The following KCNH8 variants were observed in gnomAD, a reference collection of about 807,000 sequenced individuals.
KCNH8 encodes the protein potassium voltage-gated channel subfamily H member 8, also known as voltage-gated delayed rectifier potassium channel KCNH8.
Under a neutral mutation model 103.6 loss-of-function variants are expected in KCNH8, and 70 were observed. The ratio of observed to expected loss-of-function variants is 0.68; its 90% CI spans 0.56 to 0.82. The LOEUF (loss-of-function observed/expected upper bound fraction) is 0.82, where lower values mean the gene tolerates loss of function less well. Among genes scored for constraint, KCNH8 ranks in the 40% least tolerant of loss-of-function variants. The probability of loss-of-function intolerance (pLI) is 0.00; values close to 1 mark genes in which losing one functional copy is unlikely to be tolerated. For synonymous variants in KCNH8, 498 were observed against 489.4 expected (o/e 1.02, Z -0.23); for missense variants, 1,217 against 1,329.9 (o/e 0.92, Z 1.32).
chr3:19,318,575 C>G (rs1361744286), intron 3 of KCNH8, among the ~76,000 whole-genome samples: 2 of 151,236 alleles, frequency 1.3e-5, no homozygotes, highest in Non-Finnish European at 3.0e-5. Context: ...GTCTCCAATT[C>G]CATCCAGGTT....
Position 19,533,531 on chromosome 3 carries a change from G to A in KCNH8, c.2756G>A (p.Arg919Lys), listed in dbSNP as rs1483653546. The A allele has an allele frequency of 6.2e-7, 1 of 1,614,194 alleles. No homozygotes were observed. Among genetic ancestry groups the A allele is most frequent in the Non-Finnish European group, 8.5e-7 (1 of 1,180,040 alleles). The change falls in exon 16 of 16, where the codon AGG becomes AAG. Residue 919 changes from arginine to lysine, a missense_variant. Arg to Lys is a conservative substitution (Grantham distance 26). Around this residue, in one of 3 missense-constraint regions of KCNH8, gnomAD observed 558 missense variants for 495.8 expected, o/e 1.13. Transcript: ENST00000328405. ...CACAGCACCTCTGTGTGTCCCTCCA[G>A]GGAGAGCTTACAGACCAGAACGAGC... ...SLHSTSVCPS[R>K]ESLQTRTSWS...
At chr3:19,385,893 C>T (rs2066349805) in intron 5 of KCNH8, among the ~76,000 whole-genome samples, 1 of 152,116 alleles carries the variant, frequency 6.6e-6, no homozygotes, top group Admixed American at 6.5e-5. Flanking sequence ...AAAGAAATGG[C>T]TAAATGAAGA....
intron 3 of KCNH8, among the ~76,000 whole-genome samples, chr3:19,289,043 G>T (rs970812865): frequency 5.9e-5 from 9 of 152,058 alleles, no homozygotes; most frequent in Non-Finnish European, 1.0e-4. Flanking sequence ...GAGAAGTGTG[G>T]GTTCATATCC....
chr3:19,261,268 C>T (rs2064431991), intron 2 of KCNH8, among the ~76,000 whole-genome samples: 1 of 151,582 alleles, frequency 6.6e-6, no homozygotes, highest in South Asian at 2.1e-4. Context: ...CTTGTTATCT[C>T]ATGTCTTTTT....
intron 11 of KCNH8, among the ~76,000 whole-genome samples, chr3:19,483,895 G>T (rs574140543): frequency 4.3e-4 from 66 of 152,078 alleles, no homozygotes; most frequent in Non-Finnish European, 7.9e-4. Flanking sequence ...AGGTGGACTG[G>T]ATCATTTTTA....
chr3:19,511,730 TG>T (rs1433107397), intron 12 of KCNH8, among the ~76,000 whole-genome samples: 1 of 152,086 alleles, frequency 6.6e-6, no homozygotes, highest in African/African-American at 2.4e-5. Context: ...CATACGTATT[TG>T]GAAAGATGAG....
At chr3:19,329,326 T>A (rs2065472528) in intron 3 of KCNH8, among the ~76,000 whole-genome samples, 1 of 152,190 alleles carries the variant, frequency 6.6e-6, no homozygotes, top group Non-Finnish European at 1.5e-5. Context: ...GATATTACTA[T>A]AACTTTATCT....
chr3:19,507,813 G>A (rs539335843), intron 11 of KCNH8, among the ~76,000 whole-genome samples: 2 of 152,282 alleles, frequency 1.3e-5, no homozygotes, highest in East Asian at 3.9e-4. Flanking sequence ...AAGGCAACAG[G>A]GAGGGGCAAG....
intron 1 of KCNH8, among the ~76,000 whole-genome samples, chr3:19,250,996 G>C (rs1195185159): frequency 1.3e-5 from 2 of 152,108 alleles, no homozygotes; most frequent in African/African-American, 4.8e-5. Flanking sequence ...TTTAGGATGT[G>C]TAGTACTTTG....
intron 11 of KCNH8, among the ~76,000 whole-genome samples, chr3:19,477,404 G>A (rs893756898): frequency 2.0e-5 from 3 of 150,912 alleles, no homozygotes; most frequent in Non-Finnish European, 4.4e-5. Flanking sequence ...AACAATGAAT[G>A]TGAGGATTTT....
At chr3:19,179,553 G>T (rs1360017809) in intron 1 of KCNH8, among the ~76,000 whole-genome samples, 1 of 152,102 alleles carries the variant, frequency 6.6e-6, no homozygotes, top group Non-Finnish European at 1.5e-5. Context: ...AACAAATTTT[G>T]TGAGAAAGAG....
At chr3:19,515,248 C>A (rs1052411678) in intron 13 of KCNH8, 74 bp from the exon 14 acceptor site, 49 of 800,540 alleles carry the variant, frequency 6.1e-5, no homozygotes, top group Middle Eastern at 4.8e-4. Context: ...AACATAATAT[C>A]TTTTAACTCT....
rs187027746 is a variant in KCNH8, at chr3:19,195,396, G to T, written c.76+46601G>T. The stretch of plus-strand genomic sequence containing the variant: ...GGTATCATAGGCTTTTCATTTTCTC[G>T]ATTCCCATACCCCTTTTTTCCCTCA... On this transcript the variant is annotated intron_variant, in intron 1 of 15. Transcript: ENST00000328405. Among the ~76,000 whole-genome samples the T allele has an allele frequency of 4.5e-3, 685 of 151,870 alleles. 5 individuals are homozygous for T. The highest frequency in any genetic ancestry group is 0.015 in the African/African-American group (613 of 41,494).
At chr3:19,316,940 A>C (rs950894166) in intron 3 of KCNH8, among the ~76,000 whole-genome samples, 1 of 151,914 alleles carries the variant, frequency 6.6e-6, no homozygotes. Flanking sequence ...GGCGGAATCT[A>C]TTCATTGATC....
intron 11 of KCNH8, among the ~76,000 whole-genome samples, chr3:19,485,573 C>T (rs565847422): frequency 2.0e-5 from 3 of 152,322 alleles, no homozygotes; most frequent in African/African-American, 4.8e-5. Context: ...TGTGGCACAG[C>T]TACCTTCCTA....
chr3:19,522,708 T>G (rs1403261967), intron 15 of KCNH8, among the ~76,000 whole-genome samples: 6 of 151,854 alleles, frequency 4.0e-5, no homozygotes, highest in African/African-American at 1.2e-4. Flanking sequence ...AGTGGCTTCC[T>G]CTACAGTTGA....
Position 19,304,430 on chromosome 3 carries a change from CA to C in KCNH8, c.442+23108del, listed in dbSNP as rs936796287. 2.1e-3 allele frequency among the ~76,000 whole-genome samples: 323 copies of C among 151,500 alleles called. 2 individuals are homozygous for C. The highest frequency in any genetic ancestry group is 7.5e-3 in the African/African-American group (310 of 41,340). On this transcript the variant is annotated intron_variant, in intron 3 of 15. Transcript: ENST00000328405. ...ATCACATTAAATAAAAAGAAACTAA[CA>C]AAAAAATAACAAAGCTAAATATTTA...
At chr3:19,328,371 CTATT>C (rs2065460115) in intron 3 of KCNH8, among the ~76,000 whole-genome samples, 1 of 152,084 alleles carries the variant, frequency 6.6e-6, no homozygotes, top group Admixed American at 6.5e-5. Context: ...GTATTTTAAT[CTATT>C]TGTTTCCAAA....
At chr3:19,285,540 C>T (rs770046698) in intron 3 of KCNH8, among the ~76,000 whole-genome samples, 10 of 152,164 alleles carry the variant, frequency 6.6e-5, no homozygotes, top group Non-Finnish European at 1.5e-4. Flanking sequence ...TTGTTATATT[C>T]TATAAGTTTT....
Sources: gnomAD v4.1 joint callset for allele counts (sites outside exome capture counted in the v4.1 genomes callset) on GRCh38, gnomAD v4.1.1 for gene constraint, gnomAD v4.1.1 regional missense constraint, MANE v1.5 for transcripts, NCBI Gene and HGNC (gene_info 2026-07-23, HGNC 2026-07-21) for gene names.